Variants in C4orf50 observed in about 807,000 individuals in gnomAD.
C4orf50 encodes chromosome 4 open reading frame 50.
In C4orf50, 80 loss-of-function variants were observed where a neutral mutation model predicts 77.2. The observed-to-expected ratio is 1.04, with a 90% confidence interval of 0.87 to 1.25. The LOEUF is 1.25. Among genes scored for constraint, C4orf50 ranks in the 50% most tolerant of loss-of-function variants. The pLI is 0.00. For synonymous variants in C4orf50, 532 were observed against 465.3 expected, an observed-to-expected ratio of 1.14 and a Z score of -1.84; for missense variants, 1,257 against 1,152.9, an observed-to-expected ratio of 1.09 and a Z score of -1.31.
intron 7 of C4orf50, among the ~76,000 whole-genome samples, chr4:5,946,889 A>G (rs556384863): frequency 6.6e-6 from 1 of 152,370 alleles, no homozygotes; most frequent in South Asian, 2.1e-4. Flanking sequence ...AATTAAATTT[A>G]TGTTCAAGTG....
At chr4:5,955,201 G>A (rs150519202), downstream of C4orf50, among the ~76,000 whole-genome samples, 1 of 152,228 alleles carries the variant, frequency 6.6e-6, no homozygotes, top group Admixed American at 6.5e-5. This position sits in a 1 kb window ranked among gnomAD's most constrained non-coding sequence, Gnocchi z 5.1. Flanking sequence ...TAAGCATGTC[G>A]CAGGGCCCTC....
chr4:6,004,708 GTGGTGATGATGTGATGGTGATGATAGTGA>G (rs1722171046), intron 25 of C4orf50, among the ~76,000 whole-genome samples: 1 of 84,452 alleles, frequency 1.2e-5, no homozygotes, highest in African/African-American at 4.4e-5. Context: ...AATGGTGATG[GTGGTGATGATGTGATGGTGATGATAGTGA>G]TGATGGTGAT....
intron 25 of C4orf50, among the ~76,000 whole-genome samples, chr4:6,001,116 C>T (rs1208288507): frequency 6.6e-6 from 1 of 152,188 alleles, no homozygotes; most frequent in Non-Finnish European, 1.5e-5. Flanking sequence ...TGGTTTTAGA[C>T]TGCTGGAAGG....
At chr4:5,991,607 T>A (rs1721299823) in intron 27 of C4orf50, among the ~76,000 whole-genome samples, 1 of 152,156 alleles carries the variant, frequency 6.6e-6, no homozygotes, top group Non-Finnish European at 1.5e-5. Context: ...GAAATTTGCC[T>A]TGAGCTAGGC....
intron 24 of C4orf50, among the ~76,000 whole-genome samples, chr4:6,010,978 G>C (rs1722472188): frequency 6.6e-6 from 1 of 152,200 alleles, no homozygotes; most frequent in South Asian, 2.1e-4. Context: ...GAGGCCCAGA[G>C]AGGTTAAGTC....
At chr4:5,964,495 T>C (rs955312951) in intron 33 of C4orf50, among the ~76,000 whole-genome samples, 3 of 151,784 alleles carry the variant, frequency 2.0e-5, no homozygotes, top group African/African-American at 7.3e-5. Flanking sequence ...ACCAGCTGGG[T>C]ATGGTGGCTC....
rs1027429175 is a variant in C4orf50 at position 6,009,152 on chromosome 4, T to C, written c.427-620A>G. ...CACTGCGGCCAGGATGCCAAGCGCCTTGTATCTGACTCAGGCCTTTTCTTC... is the reference window on the plus strand; with the variant it reads ...CACTGCGGCCAGGATGCCAAGCGCCCTGTATCTGACTCAGGCCTTTTCTTC... On this transcript the variant is annotated intron_variant, in intron 24 of 33. Transcript: ENST00000531445. This position sits in a 1 kb window ranked among gnomAD's most constrained non-coding sequence, Gnocchi z 5.6. 6.6e-6 allele frequency among the ~76,000 whole-genome samples: 1 copy of C among 152,196 alleles called. No homozygotes were observed. Among genetic ancestry groups the C allele is most frequent in the African/African-American group, 2.4e-5 (1 of 41,446 alleles).
intron 7 of C4orf50, among the ~76,000 whole-genome samples, chr4:5,940,570 G>A (rs1327889556): frequency 2.0e-5 from 3 of 152,178 alleles, no homozygotes; most frequent in Non-Finnish European, 2.9e-5. Flanking sequence ...CCTCAAAAAT[G>A]TCATTTCCTG....
At chr4:5,934,172 T>C (rs969819936) in intron 7 of C4orf50, among the ~76,000 whole-genome samples, 2 of 152,052 alleles carry the variant, frequency 1.3e-5, no homozygotes, top group Admixed American at 1.3e-4. Flanking sequence ...GCTCACTGGA[T>C]GGCTGTAGAG....
intron 25 of C4orf50, among the ~76,000 whole-genome samples, chr4:6,003,886 T>TGGTG (rs1721995919): frequency 3.9e-4 from 2 of 5,134 alleles, no homozygotes; most frequent in African/African-American, 7.4e-4. Context: ...TGATGGTGAT[T>TGGTG]ATGGTGATGA....
chr4:5,982,353 A>G (rs1323702791), intron 28 of C4orf50, among the ~76,000 whole-genome samples: 1 of 152,168 alleles, frequency 6.6e-6, no homozygotes, highest in Non-Finnish European at 1.5e-5. Context: ...CAGCCCTGTG[A>G]GCTGCCCAGA....
At chr4:5,973,979 T>A in intron 30 of C4orf50, 138 bp from the exon 9 acceptor site, 2 of 697,628 alleles carry the variant, frequency 2.9e-6, no homozygotes, top group Non-Finnish European at 4.6e-6. Context: ...AGCAGCCTCC[T>A]CCCTGCGAAG....
intron 7 of C4orf50, among the ~76,000 whole-genome samples, chr4:5,942,883 T>C (rs1368400446): frequency 1.3e-5 from 2 of 152,236 alleles, no homozygotes; most frequent in Admixed American, 6.5e-5. Context: ...TAAGGATAAA[T>C]GTCAAAATGT....
intron 25 of C4orf50, among the ~76,000 whole-genome samples, chr4:6,006,523 C>A (rs753306404): frequency 2.0e-5 from 3 of 152,208 alleles, no homozygotes; most frequent in Non-Finnish European, 4.4e-5. Context: ...GCCTCAGCTT[C>A]TTCAAATGCA....
At chr4:5,947,990 G>A (rs893493647) in intron 7 of C4orf50, among the ~76,000 whole-genome samples, 2 of 152,124 alleles carry the variant, frequency 1.3e-5, no homozygotes, top group Non-Finnish European at 2.9e-5. Flanking sequence ...TCCCCTATGT[G>A]CGCCCACAGG....
exon 29 of C4orf50, chr4:5,980,258 C>T (rs1337434804): frequency 1.2e-6 from 2 of 1,612,870 alleles, no homozygotes; most frequent in Middle Eastern, 1.7e-4. Context: ...GCTGGCACTG[C>T]AGGGTCAGCA....
In C4orf50 at chr4:5,919,890, T is replaced by A. The variant is rs544018230; in HGVS notation, c.*2475-21702A>T. Among the ~76,000 whole-genome samples, 2 of 152,320 alleles carry A rather than the reference T, an allele frequency of 1.3e-5. No homozygotes were observed. Among genetic ancestry groups the A allele is most frequent in the East Asian group, 1.9e-4 (1 of 5,180 alleles). ...TATCCATGGGTTCCACATCCATCGA[T>A]TCAACCAACCAGGGATTGAAAATAC... On this transcript the variant is annotated intron_variant, in intron 7 of 7. Transcript: ENST00000324058. This position sits in a 1 kb window ranked among gnomAD's most constrained non-coding sequence, Gnocchi z 6.5.
At chr4:5,911,335 C>T (rs532133778) in intron 7 of C4orf50, among the ~76,000 whole-genome samples, 1 of 152,306 alleles carries the variant, frequency 6.6e-6, no homozygotes, top group East Asian at 1.9e-4. Context: ...GGGGAGCCCA[C>T]CAGCTGTGCC....
rs974342671 is a variant in C4orf50 at position 5,932,314 on chromosome 4, G to A, written c.*2474+24587C>T. Among the ~76,000 whole-genome samples the A allele has an allele frequency of 2.6e-5, 4 of 152,172 alleles. No homozygotes were observed. The highest frequency in any genetic ancestry group is 1.9e-4 in the East Asian group (1 of 5,184). ...CACATGAGTAGCGAGGCTGGGCTCC[G>A]TAAAGAATCCAGCCATCAAAGAGGG... On this transcript the variant is annotated intron_variant, in intron 7 of 7. Coordinates refer to the C4orf50 transcript ENST00000324058. This position sits in a 1 kb window ranked among gnomAD's most constrained non-coding sequence, Gnocchi z 4.2.
Sources: allele counts gnomAD v4.1 joint callset (sites outside exome capture counted in the v4.1 genomes callset), GRCh38; gene constraint gnomAD v4.1.1; non-coding constraint Gnocchi (gnomAD v3.1); transcripts MANE v1.5; gene names NCBI Gene and HGNC (gene_info 2026-07-23, HGNC 2026-07-21).